The following PLA2G4B variants were observed in gnomAD, a reference collection of about 807,000 sequenced individuals.
The protein encoded by PLA2G4B is cytosolic phospholipase A2 beta.
PLA2G4B carries 122 observed loss-of-function variants against 95.8 expected under a neutral mutation model. The ratio of observed to expected loss-of-function variants is 1.27; its 90% CI spans 1.10 to 1.48. The LOEUF (loss-of-function observed/expected upper bound fraction) is 1.48, where lower values mean the gene tolerates loss of function less well. Among genes scored for constraint, PLA2G4B ranks in the 40% most tolerant of loss-of-function variants. The pLI is 0.00. For missense variants in PLA2G4B, 1,158 were observed against 996.2 expected (o/e 1.16, Z -2.19); for synonymous variants, 518 against 421.5 (o/e 1.23, Z -2.80).
Position 41,847,740 on chromosome 15 carries a change from C to A in PLA2G4B, c.2226C>A (p.Ser742Arg). 2 of 1,613,758 alleles carry A rather than the reference C, an allele frequency of 1.2e-6. No homozygotes were observed. Among genetic ancestry groups the A allele is most frequent in the Non-Finnish European group, 1.7e-6 (2 of 1,180,040 alleles). The change falls in exon 20 of 20, where the codon AGC (serine) becomes AGA (arginine). Residue 742 changes from serine (S) to arginine (R), a missense_variant. Physicochemically the swap from Ser to Arg is moderately radical, Grantham distance 110. Coordinates refer to ENST00000458483, the MANE Select transcript of PLA2G4B (RefSeq NM_001114633.2). Reference protein sequence around the residue: ...SPYHYTKVTYSQEDVDKLLHL... With the variant: ...SPYHYTKVTYRQEDVDKLLHL... ...ACCACTACACGAAGGTGACCTACAG[C>A]CAGGAGGACGTGGACAAGCTGCTGC...
chr15:41,840,102 C>G, intron 1 of PLA2G4B, 56 bp from the exon 2 acceptor site: 1 of 1,589,326 alleles, frequency 6.3e-7, no homozygotes, highest in Non-Finnish European at 8.6e-7. Context: ...TTTGTGGCCC[C>G]TGTCACCCTT....
rs1567170295 is a variant in PLA2G4B, at chr15:41,842,591, G to T, written c.743G>T (p.Gly248Val). ...AGAGTGGAGCTGAAAAAAGAAGCAGGGTGAGAGGCCTGGCTGGGGACTGGG... is the reference window on the plus strand; with the variant it reads ...AGAGTGGAGCTGAAAAAAGAAGCAGTGTGAGAGGCCTGGCTGGGGACTGGG... Reference protein sequence around the residue: ...LMRVELKKEAGLRELAVRLGF... With the variant: ...LMRVELKKEAVLRELAVRLGF... Residue 248 changes from glycine (G) to valine (V), a missense_variant and splice_region_variant, in exon 10 of 20, where the codon GGA becomes GTA. By Grantham distance (109) the Gly-to-Val change is moderately radical. Coordinates refer to ENST00000458483, the MANE Select transcript of PLA2G4B (RefSeq NM_001114633.2). The T allele has an allele frequency of 6.2e-7, 1 of 1,608,656 alleles. No homozygotes were observed. Among genetic ancestry groups the T allele is most frequent in the East Asian group, 2.2e-5 (1 of 44,836 alleles).
rs775906669 is a variant in PLA2G4B at position 41,847,414 on chromosome 15, G to C, written c.2025G>C (p.Gln675His). Residue 675 changes from glutamine (Q) to histidine (H), a missense_variant, in exon 19 of 20, where the codon CAG (glutamine) becomes CAC (histidine). Physicochemically the swap from Gln to His is conservative, Grantham distance 24 (BLOSUM62 0). Transcript: ENST00000458483. The stretch of plus-strand genomic sequence containing the variant: ...CCATCTCGCCCAGCCCCGAAGAGCA[G>C]CTCCAGCCTCGGGAGTGCCACACCT... ...FPPISPSPEE[Q>H]LQPRECHTFS... The C allele has an allele frequency of 2.5e-6, 4 of 1,613,280 alleles. No individual in the cohort carries two copies. Among genetic ancestry groups the C allele is most frequent in the Non-Finnish European group, 2.5e-6 (3 of 1,179,926 alleles).
At chr15:41,844,439 G>A in intron 11 of PLA2G4B, 32 bp from the exon 12 acceptor site, 4 of 1,613,942 alleles carry the variant, frequency 2.5e-6, no homozygotes, top group African/African-American at 1.3e-5. Flanking sequence ...CATCCCTAGG[G>A]CCTCTACAGG....
In PLA2G4B at chr15:41,841,939, T is replaced by C. The variant is rs1567169826; in HGVS notation, c.611T>C (p.Ile204Thr). The change falls in exon 8 of 20, where the codon ATT becomes ACT. Residue 204 changes from isoleucine (I) to threonine (T), a missense_variant. Transcript: ENST00000458483. ...CPACWEQELS[I>T]RLQDAPEEQL... The stretch of plus-strand genomic sequence containing the variant: ...GCCTGCTGGGAGCAGGAGCTGAGTA[T>C]TCGCCTGCAGGTAGTGTGCCTCGCT... 2 of 1,612,168 alleles carry C rather than the reference T, an allele frequency of 1.2e-6. No homozygotes were observed. Among genetic ancestry groups the C allele is most frequent in the East Asian group, 4.5e-5 (2 of 44,854 alleles).
chr15:41,842,311 G>A (rs758106358), intron 9 of PLA2G4B, 35 bp downstream of exon 9: 3 of 1,612,660 alleles, frequency 1.9e-6, no homozygotes, highest in Admixed American at 1.7e-5. Flanking sequence ...CAAGGCGCCT[G>A]GATGGGGCTG....
chr15:41,842,397 G>C (rs2065449307), intron 9 of PLA2G4B, 121 bp downstream of exon 9: 2 of 1,542,936 alleles, frequency 1.3e-6, no homozygotes, highest in East Asian at 2.3e-5. Context: ...CTGGGGCCAG[G>C]CTCTTTGGGG....
chr15:41,842,434 G>C, intron 9 of PLA2G4B, 120 bp from the exon 10 acceptor site: 2 of 1,564,930 alleles, frequency 1.3e-6, no homozygotes, highest in South Asian at 1.2e-5. Context: ...CCCTGCTTCA[G>C]GCCTGGCGCC....
chr15:41,848,078 G>T lies in PLA2G4B; in HGVS notation c.*218G>T. 1.6e-6 allele frequency: 1 copy of T among 632,236 alleles called. No homozygotes were observed. Among genetic ancestry groups the T allele is most frequent in the Non-Finnish European group, 2.7e-6 (1 of 367,888 alleles). 39.2% of individuals were successfully genotyped at this position (632,236 alleles called of 1,614,324 possible). On this transcript the variant is annotated 3_prime_UTR_variant, in exon 20 of 20. Transcript: ENST00000458483. ...AATCACCCAAAACCCCCCGGCCTGT[G>T]CCTGTTTTCCCTTCTGCGCTACCTT...
In PLA2G4B at chr15:41,847,334, CA is replaced by C. The variant is rs545674028; in HGVS notation, c.1948-2del. The C allele has an allele frequency of 5.5e-4, 875 of 1,594,268 alleles. No homozygotes were observed. Among genetic ancestry groups the C allele is most frequent in the Non-Finnish European group, 6.3e-4 (740 of 1,167,944 alleles). On this transcript the variant is annotated splice_acceptor_variant, in intron 18 of 19. Coordinates refer to ENST00000458483, the MANE Select transcript of PLA2G4B (RefSeq NM_001114633.2). LOFTEE classifies it high-confidence loss of function. ...TCTGAAGCCCCTTCTGCCTGCCCTG[CA>C]GCAGTTGCAGCTCCTGGGCCGGTTC...
rs757350087 is a variant in PLA2G4B at position 41,840,137 on chromosome 15, TC to T, written c.10-17del. 41 of 1,611,218 alleles carry T rather than the reference TC, an allele frequency of 2.5e-5. No homozygotes were observed. The highest frequency in any genetic ancestry group is 3.5e-5 in the Non-Finnish European group (41 of 1,178,798). ...TGGCTTCATCGGCCCGTAGCAGGTC[TC>T]CCCTCTCCCACCTCTGCAGGCAGAG... is the stretch of plus-strand genomic sequence containing the variant. On this transcript the variant is annotated intron_variant, in intron 1 of 19. Coordinates refer to ENST00000458483, the MANE Select transcript of PLA2G4B (RefSeq NM_001114633.2).
At position 41,844,950 on chromosome 15, in the gene PLA2G4B, G is replaced by A. The variant is rs1241079094; in HGVS notation, c.1119G>A (p.Val373=). ...AGGTGACCAAGAACAAGCTGGGTGT[G>A]CTGGCCCCCAGCCAGCTGCAGCGGT... The part of the protein sequence containing the change: ...KTQVTKNKLG[V]LAPSQLQRYR... The change falls in exon 13 of 20, where the codon GTG becomes GTA. Residue 373 remains valine, a synonymous_variant. Coordinates refer to ENST00000458483, the MANE Select transcript of PLA2G4B (RefSeq NM_001114633.2). 3.1e-6 allele frequency: 5 copies of A among 1,611,986 alleles called. No individual in the cohort carries two copies. Among genetic ancestry groups the A allele is most frequent in the Non-Finnish European group, 4.2e-6 (5 of 1,179,272 alleles).
Position 41,846,532 on chromosome 15 carries a change from A to AC in PLA2G4B, c.1781-134dup, listed in dbSNP as rs1490635009. The stretch of plus-strand genomic sequence containing the variant: ...GGGTCTTTTTCTCCTTGTCTTGGGG[A>AC]CCCAGGGCCCACCTGCAGGGCTGTG... On this transcript the variant is annotated intron_variant, in intron 17 of 19. Transcript: ENST00000458483. 3 of 1,502,402 alleles carry AC rather than the reference A, an allele frequency of 2.0e-6. No individual in the cohort carries two copies. The African/African-American group carries it at 4.2e-5, about 21-fold the overall frequency. 93.1% of individuals were successfully genotyped at this position (1,502,402 alleles called of 1,614,324 possible). A position where few individuals can be genotyped will look rare whatever the true frequency, so the allele number is the denominator to read the frequency against.
rs995127049 is a variant in PLA2G4B at position 41,844,661 on chromosome 15, C to T, written c.1016+54C>T. 11 of 1,611,842 alleles carry T rather than the reference C, an allele frequency of 6.8e-6. No individual in the cohort carries two copies. In the Admixed American group the frequency reaches 1.3e-4, roughly 20 times the overall value. On this transcript the variant is annotated intron_variant, in intron 12 of 19. Coordinates refer to ENST00000458483, the MANE Select transcript of PLA2G4B (RefSeq NM_001114633.2). ...CCTGTGTGGCAGGGGGTGCTGGTGC[C>T]AGGGTTCTCCTAGGCCTCTGAGAAA...
chr15:41,847,315 GCC>G lies in PLA2G4B; in HGVS notation c.1948-19_1948-18del. The G allele has an allele frequency of 6.3e-7, 1 of 1,577,784 alleles. No individual in the cohort carries two copies. Among genetic ancestry groups the G allele is most frequent in the Non-Finnish European group, 8.6e-7 (1 of 1,158,824 alleles). ...ATGCCAGGGGCCCTGTCCCTCTGAA[GCC>G]CCTTCTGCCTGCCCTGCAGCAGTTG... On this transcript the variant is annotated intron_variant, in intron 18 of 19. Coordinates refer to ENST00000458483, the MANE Select transcript of PLA2G4B (RefSeq NM_001114633.2).
chr15:41,847,882 C>A lies in PLA2G4B; in HGVS notation c.*22C>A. 1.2e-6 allele frequency: 2 copies of A among 1,606,160 alleles called. No individual in the cohort carries two copies. Among genetic ancestry groups the A allele is most frequent in the Non-Finnish European group, 1.7e-6 (2 of 1,177,182 alleles). Reference sequence around the variant, plus strand: ...CTGATGGCCGGGGCCCCTGCCACCCCTAACTCTCATTCATTCCCTGGCTGC... The same window carrying A: ...CTGATGGCCGGGGCCCCTGCCACCCATAACTCTCATTCATTCCCTGGCTGC... On this transcript the variant is annotated 3_prime_UTR_variant, in exon 20 of 20. Coordinates refer to ENST00000458483, the MANE Select transcript of PLA2G4B (RefSeq NM_001114633.2).
rs772744815 is a variant in PLA2G4B, at chr15:41,847,333, G to A, written c.1948-4G>A. 3.8e-6 allele frequency: 6 copies of A among 1,593,956 alleles called. No homozygotes were observed. The highest frequency in any genetic ancestry group is 4.3e-6 in the Non-Finnish European group (5 of 1,167,734). ...CTCTGAAGCCCCTTCTGCCTGCCCT[G>A]CAGCAGTTGCAGCTCCTGGGCCGGT... On this transcript the variant is annotated splice_polypyrimidine_tract_variant and splice_region_variant and intron_variant, in intron 18 of 19. Coordinates refer to ENST00000458483, the MANE Select transcript of PLA2G4B (RefSeq NM_001114633.2).
intron 13 of PLA2G4B, 29 bp downstream of exon 13, chr15:41,845,099 C>T (rs1221436905): frequency 5.6e-6 from 9 of 1,597,164 alleles, no homozygotes; most frequent in African/African-American, 1.3e-5. Flanking sequence ...GGGGGCAGAG[C>T]CAGGGCAAGG....
Position 41,846,082 on chromosome 15 carries a change from G to T in PLA2G4B, c.1600+35G>T, listed in dbSNP as rs761004764. The T allele has an allele frequency of 1.9e-6, 3 of 1,571,440 alleles. No homozygotes were observed. The South Asian group carries it at 3.5e-5, about 18-fold the overall frequency. On this transcript the variant is annotated intron_variant, in intron 16 of 19. Transcript: ENST00000458483. ...CCGGGCCCTTCATAAGGGTGCCAAGGGGCAGCCAGCTGGGGCTGCACCAGG... is the reference window on the plus strand; with the variant it reads ...CCGGGCCCTTCATAAGGGTGCCAAGTGGCAGCCAGCTGGGGCTGCACCAGG...
Sources: gnomAD v4.1 joint callset for allele counts on GRCh38, gnomAD v4.1.1 for gene constraint, MANE v1.5 for transcripts, NCBI Gene and HGNC (gene_info 2026-07-23, HGNC 2026-07-21) for gene names.